CPZ: variants seen among roughly 807,000 people sequenced by gnomAD.
CPZ encodes the protein carboxypeptidase Z, also known as VEZT/CPZ fusion.
CPZ carries 103 observed loss-of-function variants against 61.8 expected under a neutral mutation model. The observed-to-expected ratio is 1.67, with a 90% CI of 1.42 to 1.96. CPZ has a LOEUF of 1.96. Ranked by LOEUF, CPZ falls within the 30% of genes most tolerant of loss-of-function variation. CPZ has a pLI of 0.00. For synonymous variants in CPZ, 551 were observed against 373.7 expected (o/e 1.47, Z -5.47); for missense variants, 1,461 against 914.9 (o/e 1.60, Z -7.70).
chr4:8,614,367 G>A lies in CPZ; in HGVS notation c.1372G>A (p.Asp458Asn), dbSNP rs374417878. The change falls in exon 9 of 11, where the codon GAT becomes AAT. Residue 458 changes from aspartate (D) to asparagine (N), a missense_variant. Asp to Asn is a conservative substitution (Grantham distance 23). Coordinates refer to ENST00000360986, the MANE Select transcript of CPZ (RefSeq NM_001014447.3). ...DWYSFTGGMS[D>N]FNYLHTNCFE... is the part of the protein sequence containing the mutation. ...CTGTCTCTGTGCCACAGGCATGTCCGATTTCAACTACCTGCACACCAACTG... is the reference window on the plus strand; with the variant it reads ...CTGTCTCTGTGCCACAGGCATGTCCAATTTCAACTACCTGCACACCAACTG... The A allele has an allele frequency of 1.2e-5, 19 of 1,613,188 alleles. No individual in the cohort carries two copies. The highest frequency in any genetic ancestry group is 2.2e-5 in the South Asian group (2 of 90,970).
intron 9 of CPZ, among the ~76,000 whole-genome samples, chr4:8,614,903 G>T (rs1343556212): frequency 6.6e-6 from 1 of 152,160 alleles, no homozygotes; most frequent in East Asian, 1.9e-4. Flanking sequence ...ACAGGACAGG[G>T]AGAGCTCCCA....
At chr4:8,609,110 C>CATTCA (rs1560297840) in intron 7 of CPZ, among the ~76,000 whole-genome samples, 3 of 66,190 alleles carry the variant, frequency 4.5e-5, no homozygotes, top group East Asian at 4.7e-4. Flanking sequence ...TCACTCCCTT[C>CATTCA]CTCACTCCCT....
rs777676065 is a variant in CPZ, at chr4:8,612,099, G to T, written c.1300G>T (p.Gly434Ter). 7 of 1,612,940 alleles carry T rather than the reference G, an allele frequency of 4.3e-6. No homozygotes were observed. Among genetic ancestry groups the T allele is most frequent in the Non-Finnish European group, 5.9e-6 (7 of 1,179,676 alleles). ...GATGGACAGGTCGGAGAATAGGTGT[G>T]GAGGCAATTTCCTGAAGAGGGGGAG... ...MMMDRSENRC[G>*]GNFLKRGSII... Residue 434 changes from glycine to a stop codon, truncating the protein, a stop_gained, in exon 8 of 11, where the codon GGA becomes TGA. Transcript: ENST00000360986. LOFTEE classifies it high-confidence loss of function.
intron 1 of CPZ, 23 bp downstream of exon 1, chr4:8,592,944 C>T: frequency 7.5e-6 from 11 of 1,476,296 alleles, no homozygotes; most frequent in Non-Finnish European, 1.0e-5. Context: ...CCTGCCCCCA[C>T]CCTCCACCCT....
chr4:8,597,672 C>A (rs530201206), intron 1 of CPZ: 2 of 152,222 alleles, frequency 1.3e-5, no homozygotes, highest in Non-Finnish European at 2.9e-5. Flanking sequence ...GTGCCCTTGC[C>A]TGCTGCTCTC....
chr4:8,611,153 T>C (rs76745415), intron 7 of CPZ: 85 of 439,936 alleles, frequency 1.9e-4, no homozygotes, highest in African/African-American at 1.6e-3. Context: ...CCACTCCTCC[T>C]TTCTGACAGA....
intron 1 of CPZ, 48 bp downstream of exon 1, chr4:8,592,969 C>A (rs934516907): frequency 2.1e-6 from 3 of 1,403,756 alleles, no homozygotes; most frequent in Non-Finnish European, 2.9e-6. Flanking sequence ...CCTGCAACCT[C>A]TGGGGAGTGT....
Position 8,616,357 on chromosome 4 carries a change from G to A in CPZ, c.1503+1859G>A, listed in dbSNP as rs564982355. Among the ~76,000 whole-genome samples, 376 of 152,230 alleles carry A rather than the reference G, an allele frequency of 2.5e-3. 4 individuals carry two copies. The highest frequency in any genetic ancestry group is 8.6e-3 in the African/African-American group (358 of 41,544). On this transcript the variant is annotated intron_variant, in intron 9 of 10. Transcript: ENST00000360986. ...GCCCTGTGTTTCATGAAGGTGACCC[G>A]TGGGCCCAAGAGCAGGGACAGAAAA...
rs530671902 is a variant in CPZ at position 8,618,667 on chromosome 4, C to T, written c.1603+139C>T. 75 of 761,168 alleles carry T rather than the reference C, an allele frequency of 9.9e-5. No individual in the cohort carries two copies. The East Asian group carries it at 1.0e-3, about 10-fold the overall frequency. The allele number at this position is 761,168 out of a possible 1,614,324, so 47.2% of individuals were successfully genotyped here. On this transcript the variant is annotated intron_variant, in intron 10 of 10. Coordinates refer to ENST00000360986, the MANE Select transcript of CPZ (RefSeq NM_001014447.3). ...CCATTCCTCCCCAGGCTGGCTGGGT[C>T]GGGGAGGGTGGGCAGGAACCAGGGT... is the stretch of plus-strand genomic sequence containing the variant.
chr4:8,606,517 CAG>C (rs1424684311), intron 5 of CPZ, among the ~76,000 whole-genome samples: 6 of 152,130 alleles, frequency 3.9e-5, no homozygotes, highest in Non-Finnish European at 7.4e-5. Context: ...GCGCCCCACT[CAG>C]GGGGAGCAGC....
intron 7 of CPZ, among the ~76,000 whole-genome samples, chr4:8,609,613 A>G (rs1015085948): frequency 6.7e-6 from 1 of 148,210 alleles, no homozygotes; most frequent in East Asian, 1.9e-4. Flanking sequence ...CCCTCTGCAC[A>G]GGCCCAGTGT....
At chr4:8,599,374 C>G in intron 1 of CPZ, 79 bp from the exon 2 acceptor site, 1 of 1,494,452 alleles carries the variant, frequency 6.7e-7, no homozygotes, top group Non-Finnish European at 9.0e-7. Context: ...TACCTGCACT[C>G]AGGGCCCTGG....
intron 1 of CPZ, among the ~76,000 whole-genome samples, chr4:8,593,759 G>A (rs554216839): frequency 1.3e-5 from 2 of 152,288 alleles, no homozygotes; most frequent in East Asian, 1.9e-4. Context: ...GAGTGGATGT[G>A]CCAGGACCAC....
At chr4:8,606,664 C>G (rs1239937921) in intron 5 of CPZ, 73 bp from the exon 6 acceptor site, 3 of 1,582,130 alleles carry the variant, frequency 1.9e-6, no homozygotes, top group South Asian at 1.1e-5. Flanking sequence ...CTCAGCCCAG[C>G]GTGAGACCCA....
In CPZ at chr4:8,599,441, C is replaced by T. The variant is rs766306642; in HGVS notation, c.89-12C>T. 1.9e-6 allele frequency: 3 copies of T among 1,605,452 alleles called. No homozygotes were observed. Among genetic ancestry groups the T allele is most frequent in the South Asian group, 2.2e-5 (2 of 89,864 alleles). ...AGGCAGGTCCCTAACAGTGCCATGT[C>T]TCTCTTTCCAGGTGAATGCCACAGG... On this transcript the variant is annotated splice_polypyrimidine_tract_variant and intron_variant, in intron 1 of 10. Coordinates refer to ENST00000360986, the MANE Select transcript of CPZ (RefSeq NM_001014447.3).
intron 9 of CPZ, among the ~76,000 whole-genome samples, chr4:8,617,455 T>G (rs1198470110): frequency 5.3e-5 from 8 of 152,208 alleles, no homozygotes. Context: ...TTTGCTTCTG[T>G]GGACTCCTCC....
Position 8,614,338 on chromosome 4 carries a change from C to G in CPZ, c.1364-21C>G, listed in dbSNP as rs376045708. ...CTGTGCGGCTGACACCCCTGACGTC[C>G]CCGCTGTCTCTGTGCCACAGGCATG... On this transcript the variant is annotated intron_variant, in intron 8 of 10. Transcript: ENST00000360986. 5.3e-5 allele frequency: 85 copies of G among 1,604,686 alleles called. 1 individual carries two copies. The African/African-American group carries it at 1.1e-3, about 21-fold the overall frequency.
chr4:8,600,736 ATG>A (rs1170326992), intron 2 of CPZ, among the ~76,000 whole-genome samples: 2 of 152,228 alleles, frequency 1.3e-5, no homozygotes, highest in African/African-American at 4.8e-5. Flanking sequence ...CCAAAGCAGG[ATG>A]TGTCTTTTGG....
At chr4:8,618,206 C>G in intron 9 of CPZ, 2 of 565,920 alleles carry the variant, frequency 3.5e-6, no homozygotes, top group Non-Finnish European at 6.3e-6. Flanking sequence ...ATTCAAAAGC[C>G]CAGAACGTGC....
Sources: gnomAD v4.1 joint callset for allele counts (sites outside exome capture counted in the v4.1 genomes callset) on GRCh38, gnomAD v4.1.1 for gene constraint, MANE v1.5 for transcripts, NCBI Gene and HGNC (gene_info 2026-07-23, HGNC 2026-07-21) for gene names.